Variants in CRPPA observed in about 807,000 individuals in gnomAD.
CRPPA encodes D-ribitol-5-phosphate cytidylyltransferase.
CRPPA carries 43 observed loss-of-function variants against 52.0 expected under a neutral mutation model. The observed-to-expected ratio is 0.83, with a 90% CI of 0.65 to 1.07. The LOEUF is 1.07. Among genes scored for constraint, CRPPA ranks in the 50% least tolerant of loss-of-function variants. CRPPA has a pLI of 0.00. For missense variants in CRPPA, 629 were observed against 551.7 expected, an observed-to-expected ratio of 1.14 and a Z score of -1.40; for synonymous variants, 250 against 203.5, an observed-to-expected ratio of 1.23 and a Z score of -1.94.
intron 2 of CRPPA, among the ~76,000 whole-genome samples, chr7:16,399,658 T>G (rs982308832): frequency 2.0e-5 from 3 of 151,832 alleles, no homozygotes; most frequent in Non-Finnish European, 2.9e-5. Context: ...AATCAACGTG[T>G]GACACGTGGC....
intron 9 of CRPPA, among the ~76,000 whole-genome samples, chr7:16,130,437 T>C (rs1190986231): frequency 6.6e-6 from 1 of 151,898 alleles, no homozygotes; most frequent in African/African-American, 2.4e-5. Context: ...GACTGTGTCT[T>C]GAGTTTTATT....
At chr7:16,190,514 T>A (rs1483676774) in intron 9 of CRPPA, among the ~76,000 whole-genome samples, 4 of 152,192 alleles carry the variant, frequency 2.6e-5, no homozygotes, top group African/African-American at 9.7e-5. Flanking sequence ...TAAAAAGTAA[T>A]CTTCCAAACA....
chr7:16,121,196 C>T (rs1378304856), intron 9 of CRPPA, among the ~76,000 whole-genome samples: 1 of 151,988 alleles, frequency 6.6e-6, no homozygotes, highest in Non-Finnish European at 1.5e-5. Context: ...TAGAAATATA[C>T]TTATCTGAGA....
chr7:16,140,372 C>A (rs540603905), intron 9 of CRPPA, among the ~76,000 whole-genome samples: 1 of 151,974 alleles, frequency 6.6e-6, no homozygotes, highest in Non-Finnish European at 1.5e-5. Context: ...ACCATGTTGC[C>A]CAGGCTGGTC....
At chr7:16,354,903 G>T (rs994187794) in intron 3 of CRPPA, among the ~76,000 whole-genome samples, 5 of 152,064 alleles carry the variant, frequency 3.3e-5, no homozygotes, top group African/African-American at 7.2e-5. Context: ...AAACAGCAAA[G>T]TTAAACCAGA....
chr7:16,396,686 G>C (rs185868189), intron 2 of CRPPA, among the ~76,000 whole-genome samples: 3 of 152,346 alleles, frequency 2.0e-5, no homozygotes, highest in East Asian at 3.9e-4. Context: ...ATGCCCACCA[G>C]TCAATGAGTA....
rs111848679 is a variant in CRPPA, at chr7:16,357,785, C to T, written c.684+18307G>A. Reference sequence around the variant, plus strand: ...GAATAAGACAGAACTCAGAGATACCCGAAGTCTGAGGGGGAGTACCCAATG... The same window carrying T: ...GAATAAGACAGAACTCAGAGATACCTGAAGTCTGAGGGGGAGTACCCAATG... On this transcript the variant is annotated intron_variant, in intron 3 of 9. Transcript: ENST00000407010. Among the ~76,000 whole-genome samples, 789 of 152,282 alleles carry T rather than the reference C, an allele frequency of 5.2e-3. 3 individuals are homozygous for T. The highest frequency in any genetic ancestry group is 0.014 in the Middle Eastern group (4 of 294).
At chr7:16,347,377 C>A (rs113771471) in intron 3 of CRPPA, among the ~76,000 whole-genome samples, 3 of 152,212 alleles carry the variant, frequency 2.0e-5, no homozygotes, top group African/African-American at 7.2e-5. Flanking sequence ...CTACCACTTA[C>A]AGAGTGAATA....
intron 9 of CRPPA, among the ~76,000 whole-genome samples, chr7:16,172,437 G>C (rs545753027): frequency 1.9e-4 from 29 of 152,256 alleles, no homozygotes; most frequent in African/African-American, 6.3e-4. Context: ...GAGTCTAGAA[G>C]GAAATTTCTT....
At chr7:16,216,226 A>G (rs766122236) in intron 8 of CRPPA, 29 bp from the exon 9 acceptor site, 27 of 1,441,008 alleles carry the variant, frequency 1.9e-5, no homozygotes, top group Non-Finnish European at 2.4e-5. Context: ...AGTATTTAGA[A>G]TATCATTCCC....
intron 8 of CRPPA, among the ~76,000 whole-genome samples, chr7:16,254,794 A>AAAGG (rs1273715239): frequency 3.6e-5 from 2 of 55,428 alleles, no homozygotes; most frequent in Non-Finnish European, 5.4e-5. Flanking sequence ...AGAAAGAAGG[A>AAAGG]AAGAAAGAAA....
intron 5 of CRPPA, among the ~76,000 whole-genome samples, chr7:16,298,715 G>C (rs1026164138): frequency 1.3e-5 from 2 of 152,202 alleles, no homozygotes; most frequent in Non-Finnish European, 2.9e-5. Flanking sequence ...TTATTATTGA[G>C]TGTGCCTATG....
At chr7:16,319,729 A>T (rs1374734319) in intron 3 of CRPPA, among the ~76,000 whole-genome samples, 1 of 152,164 alleles carries the variant, frequency 6.6e-6, no homozygotes, top group Admixed American at 6.5e-5. Flanking sequence ...GGCAGTCAGT[A>T]GGCATATGGT....
At chr7:16,379,407 T>G (rs192459576) in intron 2 of CRPPA, among the ~76,000 whole-genome samples, 1 of 152,234 alleles carries the variant, frequency 6.6e-6, no homozygotes, top group Admixed American at 6.5e-5. Flanking sequence ...GTAGTATAGT[T>G]TGAAGTCAGG....
At chr7:16,261,519 T>C (rs1783799576) in intron 6 of CRPPA, among the ~76,000 whole-genome samples, 2 of 152,124 alleles carry the variant, frequency 1.3e-5, no homozygotes, top group Non-Finnish European at 2.9e-5. Context: ...TAACAAAATT[T>C]TCCCCAATTC....
chr7:16,374,748 C>T (rs1350086929), intron 3 of CRPPA, among the ~76,000 whole-genome samples: 1 of 152,150 alleles, frequency 6.6e-6, no homozygotes, highest in African/African-American at 2.4e-5. Flanking sequence ...TCCACTCTCA[C>T]TTTACCACTG....
intron 9 of CRPPA, among the ~76,000 whole-genome samples, chr7:16,197,184 G>C (rs928125730): frequency 6.6e-6 from 1 of 152,184 alleles, no homozygotes; most frequent in Non-Finnish European, 1.5e-5. Context: ...CTGGGAATCA[G>C]GGTGGAGAAT....
intron 9 of CRPPA, among the ~76,000 whole-genome samples, chr7:16,118,340 T>C (rs979254809): frequency 1.3e-5 from 2 of 152,188 alleles, no homozygotes; most frequent in Non-Finnish European, 2.9e-5. Context: ...ACATCTTACT[T>C]GGCCTATGGG....
At chr7:16,131,556 G>C (rs549808082) in intron 9 of CRPPA, among the ~76,000 whole-genome samples, 1 of 152,234 alleles carries the variant, frequency 6.6e-6, no homozygotes, top group African/African-American at 2.4e-5. Context: ...GCCATGTGCA[G>C]AGTGCCCAGG....
Sources: allele counts gnomAD v4.1 joint callset (sites outside exome capture counted in the v4.1 genomes callset), GRCh38; gene constraint gnomAD v4.1.1; transcripts MANE v1.5; gene names NCBI Gene and HGNC (gene_info 2026-07-23, HGNC 2026-07-21).